Variants in GK5 observed in about 807,000 individuals in gnomAD.
GK5 encodes ATP:glycerol 3-phosphotransferase 5.
A neutral mutation model predicts 77.3 loss-of-function variants in GK5; 39 were observed. The observed-to-expected ratio is 0.50, with a 90% CI of 0.39 to 0.66. The LOEUF (loss-of-function observed/expected upper bound fraction) is 0.66. Ranked by LOEUF, GK5 falls within the 30% of genes least tolerant of loss-of-function variation. The pLI, the probability that GK5 is intolerant of heterozygous loss-of-function variation, is 0.00. For missense variants in GK5, 487 were observed against 633.8 expected, an observed-to-expected ratio of 0.77 and a Z score of 2.49; for synonymous variants, 211 against 208.0, an observed-to-expected ratio of 1.01 and a Z score of -0.13.
At chr3:142,194,152 G>C (rs1399551947) in intron 5 of GK5, among the ~76,000 whole-genome samples, 2 of 151,960 alleles carry the variant, frequency 1.3e-5, no homozygotes, top group African/African-American at 4.8e-5. Context: ...TGGAAGGCTG[G>C]GGTGGGAAGA....
In GK5 at chr3:142,187,859, A is replaced by AT. The variant is rs1453545160; in HGVS notation, c.544-81dup. 3.2e-6 allele frequency: 3 copies of AT among 926,718 alleles called. No individual in the cohort carries two copies. In the African/African-American group the frequency reaches 5.0e-5, roughly 16 times the overall value. The allele number at this position is 926,718 out of a possible 1,614,324, so 57.4% of individuals were successfully genotyped here. A position where few individuals can be genotyped will look rare whatever the true frequency, so the allele number is the denominator to read the frequency against. ...TGATTAAATGCAGATCAGTGATACA[A>AT]TATAAACCCATTTTTATAAAAATTA... On this transcript the variant is annotated intron_variant, in intron 5 of 15. Transcript: ENST00000392993.
At chr3:142,168,919 C>T (rs1171171010) in intron 15 of GK5, among the ~76,000 whole-genome samples, 1 of 152,124 alleles carries the variant, frequency 6.6e-6, no homozygotes, top group Non-Finnish European at 1.5e-5. Context: ...GATATTGAGC[C>T]AACCATCTCT....
rs76216140 is a variant in GK5 at position 142,206,289 on chromosome 3, T to G, written c.318-1501A>C. Among the ~76,000 whole-genome samples the G allele has an allele frequency of 7.2e-3, 1,095 of 152,330 alleles. 11 individuals are homozygous for G. The highest frequency in any genetic ancestry group is 0.011 in the Non-Finnish European group (752 of 68,024). On this transcript the variant is annotated intron_variant, in intron 3 of 15. Transcript: ENST00000392993. ...TTAGGTATATACCTAGAAGTGGAACTGCTGGGTCATATAGTAATTCTATGT... is the reference window on the plus strand; with the variant it reads ...TTAGGTATATACCTAGAAGTGGAACGGCTGGGTCATATAGTAATTCTATGT...
chr3:142,193,708 T>C (rs12106888), intron 5 of GK5, among the ~76,000 whole-genome samples: 1,960 of 152,284 alleles, frequency 0.013, 41 homozygotes, highest in African/African-American at 0.045. Context: ...TATTTTATTC[T>C]TTTTGATGTT....
In GK5 at chr3:142,159,289, C is replaced by T. The variant is rs1560203974; in HGVS notation, c.*6333G>A. On this transcript the variant is annotated 3_prime_UTR_variant, in exon 16 of 16. Transcript: ENST00000392993. ...TGGTGGGAATGTAAGATGGTATAGC[C>T]AGTCTGGAAAACAGTTTGGCTGTTT... 2 of 152,154 alleles carry T rather than the reference C, an allele frequency of 1.3e-5. No homozygotes were observed. The highest frequency in any genetic ancestry group is 2.9e-5 in the Non-Finnish European group (2 of 68,022). 9.4% of individuals were successfully genotyped at this position (152,154 alleles called of 1,614,324 possible). A position where few individuals can be genotyped will look rare whatever the true frequency, so the allele number is the denominator to read the frequency against.
At position 142,185,676 on chromosome 3, in the gene GK5, A is replaced by C. The variant is rs374181535; in HGVS notation, c.816+253T>G. ...TTTTTTTTAATTTAAGTTTTCTGAT[A>C]AACAATATACAAGCAAGTCAGAAAA... On this transcript the variant is annotated intron_variant, in intron 9 of 15. Coordinates refer to ENST00000392993, the MANE Select transcript of GK5 (RefSeq NM_001039547.3). The C allele has an allele frequency of 6.1e-5, 81 of 1,325,490 alleles. No homozygotes were observed. In the East Asian group the frequency reaches 1.1e-3, roughly 18 times the overall value. The allele number at this position is 1,325,490 out of a possible 1,614,324, so 82.1% of individuals were successfully genotyped here. A position where few individuals can be genotyped will look rare whatever the true frequency, so the allele number is the denominator to read the frequency against.
At chr3:142,189,181 A>G (rs1268033074) in intron 5 of GK5, among the ~76,000 whole-genome samples, 1 of 152,204 alleles carries the variant, frequency 6.6e-6, no homozygotes, top group Non-Finnish European at 1.5e-5. Flanking sequence ...CATATCCCCA[A>G]CACCTAGGGA....
rs534956582 is a variant in GK5 at position 142,209,097 on chromosome 3, C to T, written c.318-4309G>A. Among the ~76,000 whole-genome samples, 19 of 151,548 alleles carry T rather than the reference C, an allele frequency of 1.3e-4. No homozygotes were observed. The East Asian group carries it at 2.7e-3, about 22-fold the overall frequency. On this transcript the variant is annotated intron_variant, in intron 3 of 15. Transcript: ENST00000392993. ...TCGGGAGGCAGAGCTTGCAGTGAGC[C>T]GAGATAGCACCACTGCACTCCAGCC...
chr3:142,182,784 T>G (rs2063714751), intron 10 of GK5, 139 bp downstream of exon 10: 3 of 555,054 alleles, frequency 5.4e-6, no homozygotes, highest in African/African-American at 3.9e-5. Context: ...GAAAGGGAAA[T>G]GATAATTAAC....
chr3:142,224,834 G>C (rs934577975), intron 1 of GK5, among the ~76,000 whole-genome samples: 7 of 152,076 alleles, frequency 4.6e-5, no homozygotes, highest in African/African-American at 1.4e-4. Flanking sequence ...AAGTCCAAAG[G>C]CTATAATAAA....
intron 5 of GK5, among the ~76,000 whole-genome samples, chr3:142,189,472 A>G (rs2063818788): frequency 6.6e-6 from 1 of 152,186 alleles, no homozygotes; most frequent in Non-Finnish European, 1.5e-5. Flanking sequence ...AGAAATTTTT[A>G]TTCTAAAATT....
chr3:142,181,907 A>T (rs2063702265), intron 10 of GK5, among the ~76,000 whole-genome samples: 1 of 152,272 alleles, frequency 6.6e-6, no homozygotes, highest in Non-Finnish European at 1.5e-5. Context: ...ATCTCTAGAA[A>T]TATGGCAATA....
intron 3 of GK5, 134 bp downstream of exon 3, chr3:142,213,392 C>G (rs918315770): frequency 3.2e-6 from 2 of 630,558 alleles, no homozygotes; most frequent in Admixed American, 4.8e-5. Flanking sequence ...AGAAAGCAGG[C>G]ACATTTCATC....
intron 11 of GK5, among the ~76,000 whole-genome samples, chr3:142,181,141 T>C (rs1478241459): frequency 6.6e-6 from 1 of 152,210 alleles, no homozygotes; most frequent in East Asian, 1.9e-4. Flanking sequence ...ATTTTTGTCA[T>C]GTTATTAATT....
In GK5 at chr3:142,225,396, G is replaced by T. The variant is rs376175665; in HGVS notation, c.60C>A (p.Phe20Leu). 2 of 1,598,716 alleles carry T rather than the reference G, an allele frequency of 1.3e-6. No homozygotes were observed. The highest frequency in any genetic ancestry group is 4.5e-5 in the East Asian group (2 of 44,270). Residue 20 changes from phenylalanine (F) to leucine (L), a missense_variant, in exon 1 of 16, where the codon TTC (phenylalanine) becomes TTA (leucine). Transcript: ENST00000392993. Reference protein sequence around the residue: ...QRAQEPRYPGFVLGLDVGSSV... With the variant: ...QRAQEPRYPGLVLGLDVGSSV... ...AACTGCCCACATCCAGCCCCAGCAC[G>T]AAGCCGGGGTACCGCGGCTCCTGCG...
Position 142,170,330 on chromosome 3 carries a change from G to A in GK5, c.1436C>T (p.Ala479Val), listed in dbSNP as rs2063520907. 1.2e-6 allele frequency: 2 copies of A among 1,613,990 alleles called. No individual in the cohort carries two copies. The highest frequency in any genetic ancestry group is 4.5e-5 in the East Asian group (2 of 44,884). The change falls in exon 15 of 16, where the codon GCT (alanine) becomes GTT (valine). Residue 479 changes from alanine (A) to valine (V), a missense_variant. Around this residue, in one of 4 missense-constraint regions of GK5, gnomAD observed 65 missense variants for 89.9 expected, o/e 0.72. Coordinates refer to ENST00000392993, the MANE Select transcript of GK5 (RefSeq NM_001039547.3). ...CLGAASLAGL[A>V]VGFWTDKEEL... The stretch of plus-strand genomic sequence containing the variant: ...CTTATAAATTTCACACATACCAACA[G>A]CAAGGCCAGCTAGAGAAGCTGCACC...
chr3:142,204,479 T>C, intron 4 of GK5: 1 of 600,070 alleles, frequency 1.7e-6, no homozygotes, highest in Middle Eastern at 2.7e-4. Context: ...GAAACTCTGG[T>C]CCACCACAAA....
Position 142,186,528 on chromosome 3 carries a change from G to T in GK5, c.620-15C>A, listed in dbSNP as rs2063773642. On this transcript the variant is annotated splice_polypyrimidine_tract_variant and intron_variant, in intron 6 of 15. Transcript: ENST00000392993. ...ATATACAGAACCTAAATTTAAATAG[G>T]AAATAATACATTTATTATCAGATAG... is the stretch of plus-strand genomic sequence containing the variant. The T allele has an allele frequency of 1.6e-6, 2 of 1,259,318 alleles. No individual in the cohort carries two copies. Among genetic ancestry groups the T allele is most frequent in the African/African-American group, 3.0e-5 (2 of 65,724 alleles). 78.0% of individuals were successfully genotyped at this position (1,259,318 alleles called of 1,614,324 possible). A position where few individuals can be genotyped will look rare whatever the true frequency, so the allele number is the denominator to read the frequency against.
At chr3:142,215,168 C>T (rs1265073070) in intron 2 of GK5, among the ~76,000 whole-genome samples, 6 of 152,050 alleles carry the variant, frequency 3.9e-5, no homozygotes, top group Non-Finnish European at 5.9e-5. Flanking sequence ...ATAGCTTTGG[C>T]CAGGAAAGCA....
Sources: gnomAD v4.1 joint callset for allele counts (sites outside exome capture counted in the v4.1 genomes callset) on GRCh38, gnomAD v4.1.1 for gene constraint, gnomAD v4.1.1 regional missense constraint, MANE v1.5 for transcripts, NCBI Gene and HGNC (gene_info 2026-07-23, HGNC 2026-07-21) for gene names.